BMERB1: variants seen among roughly 807,000 people sequenced by gnomAD.
BMERB1 encodes bMERB domain-containing protein 1.
A neutral mutation model predicts 23.6 loss-of-function variants in BMERB1; 12 were observed. That is an observed-to-expected ratio of 0.51 (90% CI 0.33 to 0.82). BMERB1 has a LOEUF of 0.82. Ranked by LOEUF, BMERB1 falls within the 40% of genes least tolerant of loss-of-function variation. The probability of loss-of-function intolerance (pLI) is 0.03; values close to 1 mark genes in which losing one functional copy is unlikely to be tolerated. For missense variants in BMERB1, 247 were observed against 255.4 expected (o/e 0.97, Z 0.22); for synonymous variants, 122 against 96.6 (o/e 1.26, Z -1.54).
At chr16:15,496,078 GTGA>G (rs1245521610) in intron 1 of BMERB1, among the ~76,000 whole-genome samples, 2 of 151,852 alleles carry the variant, frequency 1.3e-5, no homozygotes, top group South Asian at 2.1e-4. Flanking sequence ...GACAGTGATC[GTGA>G]TGATGGTGAT....
chr16:15,508,384 T>C (rs892157078), intron 1 of BMERB1, among the ~76,000 whole-genome samples: 4 of 152,116 alleles, frequency 2.6e-5, no homozygotes, highest in African/African-American at 9.7e-5. Context: ...CTGTGGCAAC[T>C]ACTCAGTTTT....
At chr16:15,495,676 A>G (rs2051466238) in intron 1 of BMERB1, among the ~76,000 whole-genome samples, 1 of 152,078 alleles carries the variant, frequency 6.6e-6, no homozygotes, top group South Asian at 2.1e-4. Context: ...TACTTTTATT[A>G]TCTTAATATC....
At chr16:15,571,970 AGCACAG>A (rs2030739909) in intron 3 of BMERB1, among the ~76,000 whole-genome samples, 1 of 152,048 alleles carries the variant, frequency 6.6e-6, no homozygotes, top group Non-Finnish European at 1.5e-5. Flanking sequence ...TGCAGAAAAA[AGCACAG>A]GCCGGGGATC....
intron 1 of BMERB1, among the ~76,000 whole-genome samples, chr16:15,484,729 C>T (rs1033025978): frequency 6.6e-6 from 1 of 152,174 alleles, no homozygotes; most frequent in African/African-American, 2.4e-5. Flanking sequence ...AAAAAGAAGG[C>T]GAAATTCACA....
intron 2 of BMERB1, among the ~76,000 whole-genome samples, chr16:15,551,532 T>A (rs2030092501): frequency 6.6e-6 from 1 of 152,164 alleles, no homozygotes; most frequent in South Asian, 2.1e-4. Flanking sequence ...TTAGTGAAGC[T>A]GCAGAGCACT....
intron 5 of BMERB1, among the ~76,000 whole-genome samples, chr16:15,585,787 C>T (rs2031125741): frequency 6.6e-6 from 1 of 152,110 alleles, no homozygotes; most frequent in African/African-American, 2.4e-5. Flanking sequence ...CAAGATCACA[C>T]CACTGCACTC....
chr16:15,539,948 C>T (rs950490559), intron 2 of BMERB1, among the ~76,000 whole-genome samples: 1 of 151,890 alleles, frequency 6.6e-6, no homozygotes, highest in African/African-American at 2.4e-5. Context: ...ATCACTTGAG[C>T]CTAGGAGTTT....
intron 2 of BMERB1, among the ~76,000 whole-genome samples, chr16:15,524,139 C>T (rs1175808292): frequency 6.6e-6 from 1 of 152,184 alleles, no homozygotes; most frequent in African/African-American, 2.4e-5. Context: ...ATTTCAGCCA[C>T]ATTCAGGAGC....
chr16:15,436,682 C>T (rs2050891126), intron 1 of BMERB1, among the ~76,000 whole-genome samples: 1 of 151,820 alleles, frequency 6.6e-6, no homozygotes, highest in African/African-American at 2.4e-5. Flanking sequence ...ATCTCTGTGT[C>T]CCCCCATCCC....
At chr16:15,471,020 A>G (rs1030794544) in intron 1 of BMERB1, among the ~76,000 whole-genome samples, 4 of 150,852 alleles carry the variant, frequency 2.7e-5, no homozygotes, top group African/African-American at 9.8e-5. Flanking sequence ...GTATTTTAGT[A>G]GAGATGGGGT....
chr16:15,555,453 A>G (rs2150967670), intron 2 of BMERB1, among the ~76,000 whole-genome samples: 1 of 152,322 alleles, frequency 6.6e-6, no homozygotes, highest in African/African-American at 2.4e-5. Flanking sequence ...AAGGCAGTCT[A>G]GAAAGCCCTT....
chr16:15,580,781 G>A (rs939956569), intron 3 of BMERB1, among the ~76,000 whole-genome samples: 9 of 151,598 alleles, frequency 5.9e-5, no homozygotes, highest in Admixed American at 2.6e-4. Context: ...TCCTGACCTC[G>A]TGATCCGCCC....
chr16:15,496,785 G>T (rs999080004), intron 1 of BMERB1, among the ~76,000 whole-genome samples: 1 of 152,048 alleles, frequency 6.6e-6, no homozygotes. Context: ...TGATCTGCCC[G>T]CCTCGGCCTC....
intron 1 of BMERB1, among the ~76,000 whole-genome samples, chr16:15,495,655 C>T (rs753087493): frequency 8.5e-5 from 13 of 152,198 alleles, no homozygotes; most frequent in Admixed American, 7.2e-4. Flanking sequence ...CGTGAGCCAC[C>T]GCGCCTGGCC....
rs200139620 is a variant in BMERB1 at position 15,581,312 on chromosome 16, G to T, written c.400G>T (p.Ala134Ser). Residue 134 changes from alanine to serine, a missense_variant, in exon 4 of 6, where the codon GCG becomes TCG. Ala to Ser is a moderately conservative substitution (Grantham distance 99). Transcript: ENST00000300006. ...VQKRDFLVDD[A>S]EVERLREQEE... ...GAAGAGAGACTTCCTGGTGGACGAT[G>T]CGGAGGTCGAGCGGTTAAGGTGAGT... is the stretch of plus-strand genomic sequence containing the variant. 4.3e-6 allele frequency: 7 copies of T among 1,613,932 alleles called. No homozygotes were observed. The highest frequency in any genetic ancestry group is 5.1e-6 in the Non-Finnish European group (6 of 1,179,986).
chr16:15,440,017 G>A (rs191200748), intron 1 of BMERB1, among the ~76,000 whole-genome samples: 1 of 152,120 alleles, frequency 6.6e-6, no homozygotes, highest in Non-Finnish European at 1.5e-5. Flanking sequence ...GGCTGAGGTG[G>A]GCGGATCGCT....
chr16:15,463,007 G>A (rs2051148655), intron 1 of BMERB1, among the ~76,000 whole-genome samples: 1 of 152,086 alleles, frequency 6.6e-6, no homozygotes, highest in Non-Finnish European at 1.5e-5. Flanking sequence ...ATTACAGGTG[G>A]CCAGTTTGTT....
chr16:15,578,815 A>G (rs530559595), intron 3 of BMERB1, among the ~76,000 whole-genome samples: 63 of 152,202 alleles, frequency 4.1e-4, no homozygotes, highest in African/African-American at 1.5e-3. Flanking sequence ...TCACTTCCCA[A>G]AGGCCTCATT....
chr16:15,561,470 C>G (rs984241661), intron 2 of BMERB1, among the ~76,000 whole-genome samples: 3 of 151,208 alleles, frequency 2.0e-5, no homozygotes, highest in Non-Finnish European at 4.4e-5. Context: ...GGTCTCACCA[C>G]GTTGGCCAGG....
Sources: allele counts gnomAD v4.1 joint callset (sites outside exome capture counted in the v4.1 genomes callset), GRCh38; gene constraint gnomAD v4.1.1; transcripts MANE v1.5; gene names NCBI Gene and HGNC (gene_info 2026-07-23, HGNC 2026-07-21).